ACTR3: variants seen among roughly 807,000 people sequenced by gnomAD.
The protein encoded by ACTR3 is actin-related protein 3.
Under a neutral mutation model 56.8 loss-of-function variants are expected in ACTR3, and 12 were observed. The observed-to-expected ratio is 0.21, with a 90% CI of 0.14 to 0.34. The LOEUF is 0.34. Ranked by LOEUF, ACTR3 falls within the 10% of genes least tolerant of loss-of-function variation. The pLI is 1.00. For synonymous variants in ACTR3, 162 were observed against 167.4 expected, an observed-to-expected ratio of 0.97 and a Z score of 0.25; for missense variants, 282 against 512.5, an observed-to-expected ratio of 0.55 and a Z score of 4.34.
At chr2:113,940,329 T>C (rs945792594) in intron 7 of ACTR3, among the ~76,000 whole-genome samples, 1 of 152,198 alleles carries the variant, frequency 6.6e-6, no homozygotes, top group Non-Finnish European at 1.5e-5. Flanking sequence ...AGGAGTAATA[T>C]AAGAACATTT....
In ACTR3 at chr2:113,951,470, A is replaced by G. The variant is rs762224835; in HGVS notation, c.859-9A>G. ...ATGATCTCTATTATATATCCAACTT[A>G]TTTTTCAGTTTGCTAATCCAGACTT... On this transcript the variant is annotated splice_polypyrimidine_tract_variant and intron_variant, in intron 8 of 11. Coordinates refer to ENST00000263238, the MANE Select transcript of ACTR3 (RefSeq NM_005721.5). The G allele has an allele frequency of 1.3e-6, 2 of 1,578,930 alleles. No homozygotes were observed. Among genetic ancestry groups the G allele is most frequent in the Non-Finnish European group, 1.7e-6 (2 of 1,148,866 alleles).
At chr2:113,893,299 T>C (rs1265226452) in intron 1 of ACTR3, among the ~76,000 whole-genome samples, 1 of 152,102 alleles carries the variant, frequency 6.6e-6, no homozygotes. Flanking sequence ...TTTGTTTGTT[T>C]GTTTGTTTGT....
At position 113,960,098 on chromosome 2, in the gene ACTR3, GTGGTAGTAAAGGTATTA is replaced by G. The variant is rs1277249160; in HGVS notation, c.*2645_*2661del. On this transcript the variant is annotated 3_prime_UTR_variant, in exon 12 of 12. Coordinates refer to ENST00000263238, the MANE Select transcript of ACTR3 (RefSeq NM_005721.5). ...CCTAGCCTTTTCTATTGATTCATTA[GTGGTAGTAAAGGTATTA>G]TCTGATTTATCCTTTTTAATAGGCA... 6.6e-6 allele frequency: 1 copy of G among 151,974 alleles called. No homozygotes were observed. The highest frequency in any genetic ancestry group is 1.5e-5 in the Non-Finnish European group (1 of 67,914). 9.4% of individuals were successfully genotyped at this position (151,974 alleles called of 1,614,324 possible). A position where few individuals can be genotyped will look rare whatever the true frequency, so the allele number is the denominator to read the frequency against.
Position 113,894,238 on chromosome 2 carries a change from G to A in ACTR3, c.44+3915G>A, listed in dbSNP as rs534160849. On this transcript the variant is annotated intron_variant, in intron 1 of 11. Transcript: ENST00000263238. Reference sequence around the variant, plus strand: ...CTCCCAAGTAGCTGGGATTATAGGCGCCCACTACCACGCCCAGCTAAATTT... The same window carrying A: ...CTCCCAAGTAGCTGGGATTATAGGCACCCACTACCACGCCCAGCTAAATTT... Among the ~76,000 whole-genome samples, 84 of 151,848 alleles carry A rather than the reference G, an allele frequency of 5.5e-4. 1 individual carries two copies. The highest frequency in any genetic ancestry group is 1.1e-3 in the Non-Finnish European group (78 of 67,956).
chr2:113,927,056 T>C (rs557867481), intron 3 of ACTR3, among the ~76,000 whole-genome samples: 33 of 152,330 alleles, frequency 2.2e-4, no homozygotes, highest in Middle Eastern at 6.8e-3. Context: ...ACAAAACTTT[T>C]AAAATCTAGA....
At chr2:113,925,691 A>C (rs1679607324) in intron 3 of ACTR3, among the ~76,000 whole-genome samples, 1 of 152,234 alleles carries the variant, frequency 6.6e-6, no homozygotes, top group Non-Finnish European at 1.5e-5. Flanking sequence ...ATAATGTTAA[A>C]AATTGAATGA....
At chr2:113,917,420 T>C (rs1408989223) in intron 3 of ACTR3, among the ~76,000 whole-genome samples, 5 of 152,148 alleles carry the variant, frequency 3.3e-5, no homozygotes, top group African/African-American at 1.2e-4. Context: ...CCCTTTTTCT[T>C]TTCTACCCTT....
In ACTR3 at chr2:113,959,085, A is replaced by G. The variant is rs36016698; in HGVS notation, c.*1630A>G. On this transcript the variant is annotated 3_prime_UTR_variant, in exon 12 of 12. Transcript: ENST00000263238. Reference sequence around the variant, plus strand: ...TTTTTACTTGGAAAAGTAATTCACAAACATTATAAAAATACTATTCAAACA... The same window carrying G: ...TTTTTACTTGGAAAAGTAATTCACAGACATTATAAAAATACTATTCAAACA... The G allele has an allele frequency of 6.6e-6, 1 of 152,024 alleles. No homozygotes were observed. The highest frequency in any genetic ancestry group is 2.4e-5 in the African/African-American group (1 of 41,444). The allele number at this position is 152,024 out of a possible 1,614,324, so 9.4% of individuals were successfully genotyped here.
intron 3 of ACTR3, among the ~76,000 whole-genome samples, chr2:113,918,842 G>C (rs185897887): frequency 1.3e-5 from 2 of 152,228 alleles, no homozygotes; most frequent in Non-Finnish European, 2.9e-5. Flanking sequence ...GGTAAGGTAA[G>C]CATGATTCTG....
chr2:113,928,832 A>G (rs997177715), intron 4 of ACTR3, among the ~76,000 whole-genome samples: 5 of 152,214 alleles, frequency 3.3e-5, no homozygotes, highest in African/African-American at 1.2e-4. Flanking sequence ...TAGAGAAATT[A>G]CTATCAGCGT....
intron 4 of ACTR3, among the ~76,000 whole-genome samples, chr2:113,930,390 A>G (rs1269567587): frequency 3.9e-5 from 6 of 152,152 alleles, no homozygotes; most frequent in Non-Finnish European, 1.5e-5. Context: ...TTTAATTTTT[A>G]ATGGATTCAA....
intron 8 of ACTR3, among the ~76,000 whole-genome samples, chr2:113,950,212 A>G (rs1680096104): frequency 6.6e-6 from 1 of 152,224 alleles, no homozygotes; most frequent in South Asian, 2.1e-4. Flanking sequence ...ATTCAATAGC[A>G]CTAGAACACA....
intron 8 of ACTR3, among the ~76,000 whole-genome samples, chr2:113,943,395 T>G (rs1247779532): frequency 6.6e-6 from 1 of 152,154 alleles, no homozygotes; most frequent in Non-Finnish European, 1.5e-5. Context: ...ATGGACCCAG[T>G]CTTGAAGGGC....
chr2:113,927,537 C>A, intron 4 of ACTR3, 82 bp downstream of exon 4: 1 of 893,226 alleles, frequency 1.1e-6, no homozygotes, highest in South Asian at 1.9e-5. Flanking sequence ...CTTTGGTATA[C>A]TTTGGTTATT....
Position 113,927,391 on chromosome 2 carries a change from G to A in ACTR3, c.272G>A (p.Arg91Lys). 2 of 1,594,790 alleles carry A rather than the reference G, an allele frequency of 1.3e-6. No individual in the cohort carries two copies. Among genetic ancestry groups the A allele is most frequent in the African/African-American group, 2.7e-5 (2 of 74,756 alleles). ...GTTGAAGATTGGGACTTAATGGAAA[G>A]GTTTATGGAGCAAGTGATCTTTAAA... Reference protein sequence around the residue: ...GIVEDWDLMERFMEQVIFKYL... With the variant: ...GIVEDWDLMEKFMEQVIFKYL... The change falls in exon 4 of 12, where the codon AGG (arginine) becomes AAG (lysine). Residue 91 changes from arginine (R) to lysine (K), a missense_variant. Arg to Lys is a conservative substitution (Grantham distance 26). Transcript: ENST00000263238.
intron 1 of ACTR3, among the ~76,000 whole-genome samples, chr2:113,899,591 G>C (rs968586041): frequency 1.3e-5 from 2 of 152,172 alleles, no homozygotes; most frequent in East Asian, 1.9e-4. Context: ...GTAGTATTTG[G>C]AGGATGATTT....
intron 1 of ACTR3, among the ~76,000 whole-genome samples, chr2:113,892,216 C>T (rs184794081): frequency 6.6e-6 from 1 of 152,304 alleles, no homozygotes; most frequent in East Asian, 1.9e-4. Flanking sequence ...GACCTCCTTT[C>T]CTAAAGGGCA....
rs567907478 is a variant in ACTR3, at chr2:113,959,974, G to C, written c.*2519G>C. 4 of 151,918 alleles carry C rather than the reference G, an allele frequency of 2.6e-5. No homozygotes were observed. Among genetic ancestry groups the C allele is most frequent in the Admixed American group, 2.6e-4 (4 of 15,240 alleles). 9.4% of individuals were successfully genotyped at this position (151,918 alleles called of 1,614,324 possible). A position where few individuals can be genotyped will look rare whatever the true frequency, so the allele number is the denominator to read the frequency against. ...GATTCAATTTATATATAAGGTAAAG[G>C]CATTATACTGGATTATCCTGCAATT... On this transcript the variant is annotated 3_prime_UTR_variant, in exon 12 of 12. Transcript: ENST00000263238.
At chr2:113,944,088 G>A (rs1368281469) in intron 8 of ACTR3, among the ~76,000 whole-genome samples, 1 of 152,202 alleles carries the variant, frequency 6.6e-6, no homozygotes, top group Non-Finnish European at 1.5e-5. Context: ...CTGCAGTGAA[G>A]TAACATTAGA....
Sources: gnomAD v4.1 joint callset for allele counts (sites outside exome capture counted in the v4.1 genomes callset) on GRCh38, gnomAD v4.1.1 for gene constraint, MANE v1.5 for transcripts, NCBI Gene and HGNC (gene_info 2026-07-23, HGNC 2026-07-21) for gene names.